CACNA2D2: variants seen among roughly 807,000 people sequenced by gnomAD.
CACNA2D2 encodes voltage-dependent calcium channel subunit alpha-2/delta-2.
In CACNA2D2, 48 loss-of-function variants were observed where a neutral mutation model predicts 166.4. The observed-to-expected ratio is 0.29, with a 90% CI of 0.23 to 0.37. The LOEUF (loss-of-function observed/expected upper bound fraction) is 0.37. CACNA2D2 is among the 10% of genes least tolerant of loss of function. The probability of loss-of-function intolerance (pLI) is 1.00; values close to 1 mark genes in which losing one functional copy is unlikely to be tolerated. For missense variants in CACNA2D2, 1,122 were observed against 1,433.0 expected (o/e 0.78, Z 3.50); for synonymous variants, 561 against 573.7 (o/e 0.98, Z 0.32).
rs937945935 is a variant in CACNA2D2, at chr3:50,365,918, C to T, written c.2863-56G>A. On this transcript the variant is annotated intron_variant, in intron 32 of 37. Transcript: ENST00000424201. This position sits in a 1 kb window ranked among gnomAD's most constrained non-coding sequence, Gnocchi z 4.5. ...CTGCTGCCCCTCGCCCTAGGTCACC[C>T]CCAGCTTTATCAAATGTCAGAGGTA... 7.4e-6 allele frequency: 12 copies of T among 1,612,260 alleles called. No homozygotes were observed. The African/African-American group carries it at 1.6e-4, about 22-fold the overall frequency.
At chr3:50,489,869 C>T (rs1328328958) in intron 1 of CACNA2D2, among the ~76,000 whole-genome samples, 1 of 152,164 alleles carries the variant, frequency 6.6e-6, no homozygotes, top group East Asian at 1.9e-4. Context: ...GCTTGGAGCA[C>T]CAACCATGCA....
intron 2 of CACNA2D2, among the ~76,000 whole-genome samples, chr3:50,448,394 C>G (rs953744508): frequency 1.3e-5 from 2 of 152,104 alleles, no homozygotes; most frequent in Non-Finnish European, 2.9e-5. Context: ...GATGCAGAAG[C>G]CAGTGTGTGC....
At chr3:50,370,112 T>C (rs896895963) in intron 23 of CACNA2D2, among the ~76,000 whole-genome samples, 3 of 152,046 alleles carry the variant, frequency 2.0e-5, no homozygotes, top group African/African-American at 7.2e-5. Flanking sequence ...TGGTGGGAGC[T>C]AGGGCCGTGA....
chr3:50,447,330 G>A (rs1708894691), intron 2 of CACNA2D2, among the ~76,000 whole-genome samples: 1 of 152,198 alleles, frequency 6.6e-6, no homozygotes, highest in Non-Finnish European at 1.5e-5. Flanking sequence ...GGTGCCCATG[G>A]GGTCTTGGAG....
At chr3:50,483,072 T>C (rs1451822229) in intron 1 of CACNA2D2, among the ~76,000 whole-genome samples, 1 of 152,190 alleles carries the variant, frequency 6.6e-6, no homozygotes, top group African/African-American at 2.4e-5. Flanking sequence ...GAGGGAAGCA[T>C]GCTTGCTCAG....
rs1416473841 is a variant in CACNA2D2, at chr3:50,394,142, G to C, written c.432C>G (p.Phe144Leu). Residue 144 changes from phenylalanine (F) to leucine (L), a missense_variant, in exon 4 of 38, where the codon TTC becomes TTG. Phe to Leu is a conservative substitution (Grantham distance 22). Coordinates refer to ENST00000424201, the MANE Select transcript of CACNA2D2 (RefSeq NM_006030.4). ...LKRLADAAEN[F>L]QKAHRWQDNI... ...TGTCCTGCCAGCGGTGTGCTTTCTGGAAGTTCTCTGCAGCATCAGCCAGTC... is the reference window on the plus strand; with the variant it reads ...TGTCCTGCCAGCGGTGTGCTTTCTGCAAGTTCTCTGCAGCATCAGCCAGTC... The C allele has an allele frequency of 4.3e-6, 7 of 1,613,992 alleles. No individual in the cohort carries two copies. The African/African-American group carries it at 5.3e-5, about 12-fold the overall frequency.
At position 50,456,231 on chromosome 3, in the gene CACNA2D2, G is replaced by A. The variant is rs138089839; in HGVS notation, c.288+19887C>T. Among the ~76,000 whole-genome samples, 432 of 152,330 alleles carry A rather than the reference G, an allele frequency of 2.8e-3. 3 individuals carry two copies. The highest frequency in any genetic ancestry group is 1.0e-2 in the African/African-American group (415 of 41,574). On this transcript the variant is annotated intron_variant, in intron 2 of 37. Coordinates refer to ENST00000424201, the MANE Select transcript of CACNA2D2 (RefSeq NM_006030.4). The stretch of plus-strand genomic sequence containing the variant: ...GGGGCTCAGCCTCTGCAGAAAGGAG[G>A]TAGGTAGCTTTTAATTAGCACCTAG...
intron 4 of CACNA2D2, among the ~76,000 whole-genome samples, chr3:50,390,859 G>A (rs764577210): frequency 3.3e-5 from 5 of 152,226 alleles, no homozygotes; most frequent in Non-Finnish European, 7.3e-5. Flanking sequence ...CAAGTTCAGT[G>A]CTTGGAAGGT....
At chr3:50,495,836 G>A (rs1205811003) in intron 1 of CACNA2D2, among the ~76,000 whole-genome samples, 1 of 152,214 alleles carries the variant, frequency 6.6e-6, no homozygotes, top group Non-Finnish European at 1.5e-5. Flanking sequence ...TTTCCACGCG[G>A]GGAAGGGCTG....
Position 50,414,070 on chromosome 3 carries a change from C to T in CACNA2D2, c.406-19902G>A, listed in dbSNP as rs192373926. Among the ~76,000 whole-genome samples, 226 of 152,256 alleles carry T rather than the reference C, an allele frequency of 1.5e-3. 2 individuals are homozygous for T. The highest frequency in any genetic ancestry group is 5.1e-3 in the African/African-American group (212 of 41,548). ...GTCTTCCAAAGCCTCCTTTACCTTG[C>T]AGTGCAGGGACAGAAATGAGTTAGA... is the stretch of plus-strand genomic sequence containing the variant. On this transcript the variant is annotated intron_variant, in intron 3 of 37. Transcript: ENST00000424201.
At chr3:50,426,662 G>A (rs1480489538) in intron 3 of CACNA2D2, among the ~76,000 whole-genome samples, 2 of 152,184 alleles carry the variant, frequency 1.3e-5, no homozygotes, top group African/African-American at 4.8e-5. Context: ...GTAGGTGCTA[G>A]TCAGGAATGA....
intron 3 of CACNA2D2, among the ~76,000 whole-genome samples, chr3:50,431,067 G>C (rs1174069410): frequency 2.0e-5 from 3 of 152,084 alleles, no homozygotes; most frequent in Non-Finnish European, 4.4e-5. Flanking sequence ...CTCCCTCTTT[G>C]CAAGCCCCCA....
chr3:50,378,944 G>C lies in CACNA2D2; in HGVS notation c.1310C>G (p.Pro437Arg), dbSNP rs780100910. Residue 437 changes from proline (P) to arginine (R), a missense_variant, in exon 13 of 38, where the codon CCG (proline) becomes CGG (arginine). Pro to Arg is a moderately radical substitution (Grantham distance 103). Transcript: ENST00000424201. The stretch of plus-strand genomic sequence containing the variant: ...GTTGGCACAGGCCATCCACTGCAGC[G>C]GTGTGACGTCATAGTTATGCTGCCC... ...SVGQHNYDVT[P>R]LQWMACANKG... 6.2e-7 allele frequency: 1 copy of C among 1,613,842 alleles called. No homozygotes were observed. The highest frequency in any genetic ancestry group is 1.1e-5 in the South Asian group (1 of 91,086).
At chr3:50,482,040 T>A (rs1698076653) in intron 1 of CACNA2D2, among the ~76,000 whole-genome samples, 1 of 152,228 alleles carries the variant, frequency 6.6e-6, no homozygotes, top group Non-Finnish European at 1.5e-5. Context: ...ACTTAATTAT[T>A]CTGGTTATTT....
chr3:50,384,785 G>A (rs186358021), intron 5 of CACNA2D2, among the ~76,000 whole-genome samples: 1 of 152,338 alleles, frequency 6.6e-6, no homozygotes, highest in East Asian at 1.9e-4. Context: ...CCATCACTGG[G>A]TCCTGCCCAG....
intron 3 of CACNA2D2, among the ~76,000 whole-genome samples, chr3:50,405,806 C>T (rs1706682633): frequency 6.6e-6 from 1 of 152,166 alleles, no homozygotes; most frequent in Non-Finnish European, 1.5e-5. Flanking sequence ...AGAGCTTGGA[C>T]CTGTACTGAG....
At chr3:50,445,976 A>C (rs1372471972) in intron 2 of CACNA2D2, among the ~76,000 whole-genome samples, 1 of 152,024 alleles carries the variant, frequency 6.6e-6, no homozygotes, top group African/African-American at 2.4e-5. Context: ...CGGTGTATGC[A>C]AAACTCCAGC....
At chr3:50,431,228 G>A (rs1258560812) in intron 3 of CACNA2D2, among the ~76,000 whole-genome samples, 1 of 152,196 alleles carries the variant, frequency 6.6e-6, no homozygotes, top group Non-Finnish European at 1.5e-5. Flanking sequence ...TGAAAAAGGA[G>A]AAAGGGACCA....
chr3:50,485,770 C>T (rs1458651243), intron 1 of CACNA2D2, among the ~76,000 whole-genome samples: 3 of 152,216 alleles, frequency 2.0e-5, no homozygotes, highest in Non-Finnish European at 4.4e-5. Flanking sequence ...GCTCAGGGGT[C>T]GCCAAGGTGC....
Sources: gnomAD v4.1 joint callset for allele counts (sites outside exome capture counted in the v4.1 genomes callset) on GRCh38, gnomAD v4.1.1 for gene constraint, Gnocchi (gnomAD v3.1) non-coding constraint, MANE v1.5 for transcripts, NCBI Gene and HGNC (gene_info 2026-07-23, HGNC 2026-07-21) for gene names.